Variants in EFL1 observed in about 807,000 individuals in gnomAD.
The protein encoded by EFL1 is elongation factor like GTPase 1.
A neutral mutation model predicts 126.7 loss-of-function variants in EFL1; 76 were observed. That is an observed-to-expected ratio of 0.60 (90% CI 0.50 to 0.73). EFL1 has a LOEUF of 0.73. EFL1 is among the 30% of genes least tolerant of loss of function. The pLI is 0.00. For missense variants in EFL1, 1,128 were observed against 1,343.2 expected (o/e 0.84, Z 2.50); for synonymous variants, 410 against 448.4 (o/e 0.91, Z 1.08).
At chr15:82,215,384 C>T (rs1212287390) in intron 14 of EFL1, among the ~76,000 whole-genome samples, 2 of 152,048 alleles carry the variant, frequency 1.3e-5, no homozygotes, top group Non-Finnish European at 2.9e-5. Flanking sequence ...CTATTATATG[C>T]TATATTGTTC....
intron 19 of EFL1, among the ~76,000 whole-genome samples, chr15:82,134,590 G>C (rs1398848800): frequency 6.6e-6 from 1 of 152,214 alleles, no homozygotes; most frequent in Non-Finnish European, 1.5e-5. Context: ...GATGATTACT[G>C]CTGGCAGGTG....
At chr15:82,248,397 G>A (rs2074992397) in intron 4 of EFL1, among the ~76,000 whole-genome samples, 1 of 152,126 alleles carries the variant, frequency 6.6e-6, no homozygotes. Context: ...CTGAATAAGA[G>A]ATGACTTTCT....
At chr15:82,218,560 A>T (rs138554104) in intron 14 of EFL1, among the ~76,000 whole-genome samples, 1,724 of 152,344 alleles carry the variant, frequency 0.011, 43 homozygotes, top group African/African-American at 0.039. Flanking sequence ...AAAAGGAAAA[A>T]ATTAACTGAT....
rs112137123 is a variant in EFL1, at chr15:82,205,962, C to G, written c.1750+8755G>C. 3.4e-4 allele frequency among the ~76,000 whole-genome samples: 52 copies of G among 152,280 alleles called. 1 individual carries two copies. The highest frequency in any genetic ancestry group is 1.2e-3 in the African/African-American group (49 of 41,558). ...AATAAGCATTTTATCAACCTGTATG[C>G]TAACAATCTGATCTGGGTGATAGAC... On this transcript the variant is annotated intron_variant, in intron 15 of 19. Coordinates refer to ENST00000268206, the MANE Select transcript of EFL1 (RefSeq NM_024580.6).
At chr15:82,257,234 T>C (rs937840600) in intron 3 of EFL1, among the ~76,000 whole-genome samples, 2 of 152,218 alleles carry the variant, frequency 1.3e-5, no homozygotes, top group African/African-American at 4.8e-5. Context: ...CACTTTTAAG[T>C]TTACTGGCAC....
intron 8 of EFL1, among the ~76,000 whole-genome samples, chr15:82,229,675 T>C (rs997464615): frequency 5.9e-5 from 9 of 152,146 alleles, no homozygotes; most frequent in African/African-American, 2.2e-4. Flanking sequence ...GCAACAGTAT[T>C]AAGAAATTAA....
At chr15:82,227,369 G>T (rs987753190) in intron 11 of EFL1, 81 bp downstream of exon 11, 1 of 1,602,566 alleles carries the variant, frequency 6.2e-7, no homozygotes. Context: ...GCAAACTAGC[G>T]TTCAGCAAAC....
In EFL1 at chr15:82,229,167, T is replaced by C. The variant is rs976156443; in HGVS notation, c.856-57A>G. The stretch of plus-strand genomic sequence containing the variant: ...TGAACATTTAATAGGCATTTATATA[T>C]TCCTTCTTGACATGCTTTTATTATC... On this transcript the variant is annotated intron_variant, in intron 8 of 19. Coordinates refer to ENST00000268206, the MANE Select transcript of EFL1 (RefSeq NM_024580.6). 15 of 1,306,470 alleles carry C rather than the reference T, an allele frequency of 1.1e-5. No homozygotes were observed. In the African/African-American group the frequency reaches 2.1e-4, roughly 18 times the overall value. 80.9% of individuals were successfully genotyped at this position (1,306,470 alleles called of 1,614,324 possible).
At position 82,140,884 on chromosome 15, in the gene EFL1, C is replaced by T. The variant is rs72749528; in HGVS notation, c.2990-2042G>A. 1.6e-4 allele frequency among the ~76,000 whole-genome samples: 25 copies of T among 152,252 alleles called. No individual in the cohort carries two copies. In the East Asian group the frequency reaches 4.4e-3, roughly 27 times the overall value. ...TAGCTGTTTAAGCTCTCCTTGTATA[C>T]TCTAAAACTCATTTTCTCCCAGGGT... On this transcript the variant is annotated intron_variant, in intron 18 of 19. Coordinates refer to ENST00000268206, the MANE Select transcript of EFL1 (RefSeq NM_024580.6).
chr15:82,208,637 T>C (rs549252324), intron 15 of EFL1, among the ~76,000 whole-genome samples: 5 of 152,294 alleles, frequency 3.3e-5, no homozygotes. Flanking sequence ...GATCGAGTGC[T>C]GTTTTTTTTA....
At chr15:82,158,034 T>C (rs957786145) in intron 16 of EFL1, among the ~76,000 whole-genome samples, 174 bp from the exon 17 acceptor site, 1 of 152,220 alleles carries the variant, frequency 6.6e-6, no homozygotes, top group Non-Finnish European at 1.5e-5. Flanking sequence ...AGTAATTTTT[T>C]TGTACAGATA....
Position 82,222,778 on chromosome 15 carries a change from G to A in EFL1, c.1292+2387C>T, listed in dbSNP as rs143945997. On this transcript the variant is annotated intron_variant, in intron 12 of 19. Coordinates refer to ENST00000268206, the MANE Select transcript of EFL1 (RefSeq NM_024580.6). The stretch of plus-strand genomic sequence containing the variant: ...GGGCCCTACTAGTGAGGAAACAGTT[G>A]TGAGTGTTAAGTTATTTAGGCTATA... Among the ~76,000 whole-genome samples the A allele has an allele frequency of 6.9e-3, 1,056 of 152,322 alleles. 10 individuals carry two copies. Among genetic ancestry groups the A allele is most frequent in the Non-Finnish European group, 8.2e-3 (556 of 68,022 alleles).
intron 16 of EFL1, 79 bp from the exon 17 acceptor site, chr15:82,157,939 G>C: frequency 1.4e-6 from 2 of 1,389,138 alleles, no homozygotes; most frequent in Non-Finnish European, 1.9e-6. Context: ...GGCTACTGAA[G>C]GGAAAATTAC....
chr15:82,246,031 AC>A (rs2074969795), intron 4 of EFL1, among the ~76,000 whole-genome samples: 1 of 151,952 alleles, frequency 6.6e-6, no homozygotes, highest in East Asian at 1.9e-4. Context: ...CTTTTGCTGC[AC>A]AAACCCGACC....
chr15:82,217,453 T>C (rs2074662225), intron 14 of EFL1, among the ~76,000 whole-genome samples: 1 of 132,408 alleles, frequency 7.6e-6, no homozygotes, highest in Non-Finnish European at 1.6e-5. Flanking sequence ...TACATTTAAG[T>C]AAAGGAATCC....
chr15:82,247,955 T>C (rs2074988520), intron 4 of EFL1, among the ~76,000 whole-genome samples: 1 of 152,082 alleles, frequency 6.6e-6, no homozygotes, highest in Non-Finnish European at 1.5e-5. Flanking sequence ...GAGGAATTAG[T>C]TGTGGCCTGA....
intron 15 of EFL1, among the ~76,000 whole-genome samples, chr15:82,184,313 C>T (rs1421513472): frequency 6.6e-6 from 1 of 152,158 alleles, no homozygotes; most frequent in East Asian, 1.9e-4. Context: ...AAGTTCAAAC[C>T]ATGACCGGTA....
rs767421689 is a variant in EFL1 at position 82,214,834 on chromosome 15, G to C, written c.1633C>G (p.Pro545Ala). The C allele has an allele frequency of 4.4e-6, 7 of 1,587,764 alleles. No homozygotes were observed. The African/African-American group carries it at 9.6e-5, about 22-fold the overall frequency. The change falls in exon 15 of 20, where the codon CCA (proline) becomes GCA (alanine). Residue 545 changes from proline to alanine, a missense_variant. Around this residue, in one of 6 missense-constraint regions of EFL1, gnomAD observed 120 missense variants for 142.1 expected, o/e 0.84. Transcript: ENST00000268206. ...LRRVPLGFSAPPDGLPQVPHM... is the reference protein window; with the variant it reads ...LRRVPLGFSAAPDGLPQVPHM... ...GGGACTTGGGGGAGGCCATCTGGTG[G>C]AGCTGAGAAGCCTAATGGTACCTGG...
At chr15:82,135,237 T>C (rs1380644550) in intron 19 of EFL1, among the ~76,000 whole-genome samples, 2 of 151,642 alleles carry the variant, frequency 1.3e-5, no homozygotes, top group East Asian at 3.8e-4. Flanking sequence ...TAACGAGATG[T>C]AGCTAAGCCA....
Sources: gnomAD v4.1 joint callset for allele counts (sites outside exome capture counted in the v4.1 genomes callset) on GRCh38, gnomAD v4.1.1 for gene constraint, gnomAD v4.1.1 regional missense constraint, MANE v1.5 for transcripts, NCBI Gene and HGNC (gene_info 2026-07-23, HGNC 2026-07-21) for gene names.